The following SIK3 variants were observed in gnomAD, a reference collection of about 807,000 sequenced individuals.
The protein encoded by SIK3 is SIK family kinase 3, also known as serine/threonine-protein kinase SIK3.
SIK3 carries 28 observed loss-of-function variants against 144.2 expected under a neutral mutation model. That is an observed-to-expected ratio of 0.19 (90% CI 0.14 to 0.27). The LOEUF (loss-of-function observed/expected upper bound fraction) is 0.27. Ranked by LOEUF, SIK3 falls within the 10% of genes least tolerant of loss-of-function variation. The pLI, the probability that SIK3 is intolerant of heterozygous loss-of-function variation, is 1.00. For missense variants in SIK3, 1,319 were observed against 1,776.0 expected, an observed-to-expected ratio of 0.74 and a Z score of 4.62; for synonymous variants, 686 against 676.3, an observed-to-expected ratio of 1.01 and a Z score of -0.22.
intron 1 of SIK3, among the ~76,000 whole-genome samples, chr11:116,961,248 T>A (rs1242648813): frequency 6.6e-6 from 1 of 152,200 alleles, no homozygotes; most frequent in Non-Finnish European, 1.5e-5. Context: ...TGCTTGGCAA[T>A]GGCATAACTG....
At chr11:117,045,202 C>T (rs762766059) in intron 1 of SIK3, among the ~76,000 whole-genome samples, 1 of 152,288 alleles carries the variant, frequency 6.6e-6, no homozygotes, top group South Asian at 2.1e-4. Flanking sequence ...CAAATATCTG[C>T]TTAGTGACGG....
At chr11:116,980,808 T>C (rs980743525) in intron 1 of SIK3, among the ~76,000 whole-genome samples, 2 of 151,608 alleles carry the variant, frequency 1.3e-5, no homozygotes, top group African/African-American at 4.8e-5. Flanking sequence ...GCTGAGATCA[T>C]GCCACTGCAT....
intron 1 of SIK3, among the ~76,000 whole-genome samples, chr11:117,085,844 G>T (rs994266637): frequency 6.6e-6 from 1 of 152,158 alleles, no homozygotes; most frequent in Admixed American, 6.6e-5. Context: ...AATTGGCCGG[G>T]CATGGTGGCA....
intron 4 of SIK3, among the ~76,000 whole-genome samples, chr11:116,897,845 T>C (rs903204393): frequency 6.6e-5 from 10 of 151,210 alleles, no homozygotes; most frequent in African/African-American, 2.2e-4. Flanking sequence ...ATGGCGCCAC[T>C]GCACTCCAGC....
chr11:117,034,321 A>G (rs983542047), intron 1 of SIK3, among the ~76,000 whole-genome samples: 7 of 152,256 alleles, frequency 4.6e-5, no homozygotes, highest in South Asian at 2.1e-4. Flanking sequence ...AAAAGCATCT[A>G]TAAGACTTGA....
At chr11:117,006,202 GAATATC>G (rs1951040579) in intron 1 of SIK3, among the ~76,000 whole-genome samples, 1 of 152,094 alleles carries the variant, frequency 6.6e-6, no homozygotes, top group South Asian at 2.1e-4. Flanking sequence ...GTCTAAAATG[GAATATC>G]ACAAAGACCT....
intron 1 of SIK3, among the ~76,000 whole-genome samples, chr11:117,080,620 G>A (rs1954743749): frequency 6.6e-6 from 1 of 152,098 alleles, no homozygotes; most frequent in Non-Finnish European, 1.5e-5. Flanking sequence ...ATATAAATGT[G>A]CAGAAACAAC....
intron 4 of SIK3, among the ~76,000 whole-genome samples, chr11:116,922,903 TTC>T (rs200856670): frequency 9.0e-5 from 12 of 133,808 alleles, no homozygotes; most frequent in African/African-American, 2.3e-4. Flanking sequence ...TCCTTTTCTT[TTC>T]TCTTTTTTTT....
At chr11:116,911,956 G>C (rs1946370540) in intron 4 of SIK3, among the ~76,000 whole-genome samples, 1 of 152,180 alleles carries the variant, frequency 6.6e-6, no homozygotes, top group Non-Finnish European at 1.5e-5. Flanking sequence ...AGAAGAAGCT[G>C]GTTAAGATGG....
At chr11:116,927,805 TAAGGA>T (rs2135136040) in intron 3 of SIK3, among the ~76,000 whole-genome samples, 1 of 152,314 alleles carries the variant, frequency 6.6e-6, no homozygotes, top group African/African-American at 2.4e-5. Context: ...TTAAATCATT[TAAGGA>T]AAGGGTGGAC....
intron 14 of SIK3, chr11:116,868,943 C>T (rs1232959482): frequency 1.3e-5 from 2 of 152,138 alleles, no homozygotes; most frequent in Non-Finnish European, 2.9e-5. Flanking sequence ...AGAGGCACTA[C>T]ACCTTTTTTA....
At chr11:117,006,524 A>T (rs188248894) in intron 1 of SIK3, among the ~76,000 whole-genome samples, 1 of 152,214 alleles carries the variant, frequency 6.6e-6, no homozygotes, top group East Asian at 1.9e-4. Context: ...GCTGCTGCAC[A>T]CTGCGGCTCA....
At chr11:116,907,940 G>T (rs925610654) in intron 4 of SIK3, among the ~76,000 whole-genome samples, 4 of 150,878 alleles carry the variant, frequency 2.7e-5, no homozygotes, top group Admixed American at 2.6e-4. Flanking sequence ...TTAATTCCAG[G>T]TGGATTATAG....
At chr11:116,980,742 C>T (rs1262321824) in intron 1 of SIK3, among the ~76,000 whole-genome samples, 1 of 151,918 alleles carries the variant, frequency 6.6e-6, no homozygotes, top group Non-Finnish European at 1.5e-5. Context: ...TTCCTAGCTA[C>T]TAGGGAGACT....
chr11:116,972,636 G>C (rs1820588661), intron 1 of SIK3, among the ~76,000 whole-genome samples: 1 of 151,960 alleles, frequency 6.6e-6, no homozygotes, highest in Admixed American at 6.6e-5. Context: ...AGACTTACTG[G>C]ATGCAGTCCT....
At chr11:117,009,382 C>CA (rs1317001573) in intron 1 of SIK3, among the ~76,000 whole-genome samples, 2 of 151,824 alleles carry the variant, frequency 1.3e-5, no homozygotes, top group Non-Finnish European at 2.9e-5. Context: ...CCTGTCTCTA[C>CA]AAAAAATGAA....
chr11:116,947,527 A>ATGTATGTATG (rs1392701397), intron 3 of SIK3, among the ~76,000 whole-genome samples: 19 of 94,652 alleles, frequency 2.0e-4, no homozygotes, highest in East Asian at 1.6e-3. Context: ...AAATATATAT[A>ATGTATGTATG]TATATATGTA....
intron 4 of SIK3, among the ~76,000 whole-genome samples, chr11:116,908,142 G>A (rs1209154185): frequency 1.3e-5 from 2 of 152,142 alleles, no homozygotes; most frequent in Non-Finnish European, 2.9e-5. Flanking sequence ...AACAGAAAGT[G>A]AGAAACCACA....
In SIK3 at chr11:116,943,182, G is replaced by GAAAA. The variant is rs34406972; in HGVS notation, c.454+10858_454+10861dup. Among the ~76,000 whole-genome samples, 9 of 149,418 alleles carry GAAAA rather than the reference G, an allele frequency of 6.0e-5. No individual in the cohort carries two copies. In the East Asian group the frequency reaches 7.8e-4, roughly 13 times the overall value. ...ACCAGTAAAAGACAAACTTAGAAAT[G>GAAAA]AAAAAAAAAATTACTTCAAAAAGTG... On this transcript the variant is annotated intron_variant, in intron 3 of 24. Transcript: ENST00000445177.
Sources: allele counts gnomAD v4.1 joint callset (sites outside exome capture counted in the v4.1 genomes callset), GRCh38; gene constraint gnomAD v4.1.1; transcripts MANE v1.5; gene names NCBI Gene and HGNC (gene_info 2026-07-23, HGNC 2026-07-21).